Variants in RAB7B observed in about 807,000 individuals in gnomAD.
RAB7B encodes ras-related protein Rab-7b.
intron 4 of RAB7B, among the ~76,000 whole-genome samples, 170 bp downstream of exon 4, chr1:205,992,310 T>C (rs1031817763): frequency 2.9e-4 from 44 of 152,366 alleles, no homozygotes; most frequent in African/African-American, 1.0e-3. Flanking sequence ...AATTACCATT[T>C]TATTTTATAA....
chr1:205,999,677 G>A (rs938147314), intron 1 of RAB7B, among the ~76,000 whole-genome samples: 9 of 152,194 alleles, frequency 5.9e-5, no homozygotes, highest in Non-Finnish European at 5.9e-5. Context: ...CTAAAGCATT[G>A]GGGTAATCTA....
chr1:205,982,194 T>G (rs1312619508), intron 5 of RAB7B, among the ~76,000 whole-genome samples: 2 of 152,242 alleles, frequency 1.3e-5, no homozygotes, highest in Non-Finnish European at 2.9e-5. Flanking sequence ...CTCATGAAGC[T>G]CCTGCTTTCT....
Position 205,994,070 on chromosome 1 carries a change from G to A in RAB7B, c.53+13C>T, listed in dbSNP as rs1660769702. ...GGGCTGCTTCCCAACTCCCAGAGCTGAGCTTGGCTTACCCAATGGCTCCGA... is the reference window on the plus strand; with the variant it reads ...GGGCTGCTTCCCAACTCCCAGAGCTAAGCTTGGCTTACCCAATGGCTCCGA... On this transcript the variant is annotated intron_variant, in intron 2 of 5. Coordinates refer to ENST00000617070, the MANE Select transcript of RAB7B (RefSeq NM_001164522.3). The A allele has an allele frequency of 2.5e-6, 1 of 398,654 alleles. No individual in the cohort carries two copies. The highest frequency in any genetic ancestry group is 4.4e-6 in the Non-Finnish European group (1 of 226,088). 24.7% of individuals were successfully genotyped at this position (398,654 alleles called of 1,614,324 possible).
chr1:205,998,993 CGCACGTGTTAGA>C (rs1384635771), intron 1 of RAB7B, among the ~76,000 whole-genome samples: 2 of 152,114 alleles, frequency 1.3e-5, no homozygotes, highest in Non-Finnish European at 2.9e-5. Flanking sequence ...ACAGAAAGCC[CGCACGTGTTAGA>C]GCAGGGTTTG....
chr1:205,983,556 G>T (rs1660532370), intron 5 of RAB7B, among the ~76,000 whole-genome samples: 1 of 152,152 alleles, frequency 6.6e-6, no homozygotes, highest in Admixed American at 6.5e-5. Flanking sequence ...GATATTTATG[G>T]ACTCAAATTA....
chr1:205,984,562 C>T (rs1055968075), intron 5 of RAB7B, among the ~76,000 whole-genome samples: 1 of 152,072 alleles, frequency 6.6e-6, no homozygotes, highest in Non-Finnish European at 1.5e-5. Context: ...GAGCCCCTCC[C>T]CATGCCAATC....
At chr1:205,989,317 C>A (rs1264156758) in intron 4 of RAB7B, among the ~76,000 whole-genome samples, 1 of 152,090 alleles carries the variant, frequency 6.6e-6, no homozygotes, top group Non-Finnish European at 1.5e-5. Flanking sequence ...TGCCTCATTG[C>A]CTCTTTCAAA....
chr1:205,978,798 A>G lies in RAB7B; in HGVS notation c.*53T>C, dbSNP rs1660433167. On this transcript the variant is annotated 3_prime_UTR_variant, in exon 6 of 6. Transcript: ENST00000617070. Reference sequence around the variant, plus strand: ...GTCACCTGTTCTCAAGCCTGGGGTGACCAGGCTCGGGGCAGGCTCTGTTTC... The same window carrying G: ...GTCACCTGTTCTCAAGCCTGGGGTGGCCAGGCTCGGGGCAGGCTCTGTTTC... 5.0e-6 allele frequency: 2 copies of G among 398,456 alleles called. No homozygotes were observed. The highest frequency in any genetic ancestry group is 8.8e-6 in the Non-Finnish European group (2 of 226,032). 24.7% of individuals were successfully genotyped at this position (398,456 alleles called of 1,614,324 possible).
chr1:205,993,694 C>T lies in RAB7B; in HGVS notation c.54-148G>A, dbSNP rs957445113. The T allele has an allele frequency of 3.5e-3, 1,406 of 396,300 alleles. 24 individuals are homozygous for T. The highest frequency in any genetic ancestry group is 0.026 in the African/African-American group (1,280 of 48,698). The allele number at this position is 396,300 out of a possible 1,614,324, so 24.5% of individuals were successfully genotyped here. On this transcript the variant is annotated intron_variant, in intron 2 of 5. Transcript: ENST00000617070. Reference sequence around the variant, plus strand: ...TCAAATTTCTGTGGTCCATGGACCACACTTTGAATAGCAAGGGAGTAGGAA... The same window carrying T: ...TCAAATTTCTGTGGTCCATGGACCATACTTTGAATAGCAAGGGAGTAGGAA...
At chr1:205,985,270 T>C (rs2102633458) in intron 5 of RAB7B, among the ~76,000 whole-genome samples, 1 of 151,524 alleles carries the variant, frequency 6.6e-6, no homozygotes, top group African/African-American at 2.4e-5. Flanking sequence ...AGGACTGGAG[T>C]TTTTAGATAC....
At chr1:205,981,925 C>T (rs1174010505) in intron 5 of RAB7B, among the ~76,000 whole-genome samples, 1 of 149,178 alleles carries the variant, frequency 6.7e-6, no homozygotes, top group African/African-American at 2.5e-5. Context: ...CTGTGATTTC[C>T]TTCACAATGT....
intron 1 of RAB7B, among the ~76,000 whole-genome samples, chr1:206,000,458 G>A (rs892983313): frequency 1.3e-5 from 2 of 152,222 alleles, no homozygotes; most frequent in African/African-American, 2.4e-5. Context: ...GTGATCATGA[G>A]TTTGGGACTC....
intron 1 of RAB7B, among the ~76,000 whole-genome samples, chr1:205,998,975 C>G (rs911777789): frequency 6.6e-6 from 1 of 152,184 alleles, no homozygotes; most frequent in Non-Finnish European, 1.5e-5. Flanking sequence ...AGCAGTTCAG[C>G]CTTAAAGACA....
intron 1 of RAB7B, among the ~76,000 whole-genome samples, chr1:205,999,416 A>G (rs1660856625): frequency 1.3e-5 from 2 of 152,242 alleles, no homozygotes; most frequent in African/African-American, 4.8e-5. Flanking sequence ...AACATTTCAA[A>G]ATACCATTTA....
At position 205,992,542 on chromosome 1, in the gene RAB7B, G is replaced by C; in HGVS notation, c.334C>G (p.Pro112Ala). 1 of 398,640 alleles carries C rather than the reference G, an allele frequency of 2.5e-6. No homozygotes were observed. Among genetic ancestry groups the C allele is most frequent in the East Asian group, 3.6e-5 (1 of 28,086 alleles). The allele number at this position is 398,640 out of a possible 1,614,324, so 24.7% of individuals were successfully genotyped here. Residue 112 changes from proline (P) to alanine (A), a missense_variant, in exon 4 of 6, where the codon CCC becomes GCC. Coordinates refer to ENST00000617070, the MANE Select transcript of RAB7B (RefSeq NM_001164522.3). ...ACCATGGGGTAGGACTGCTCCATGG[G>C]GACAATCTTGGCCAGGACATCACCC... Reference protein sequence around the residue: ...WRGDVLAKIVPMEQSYPMVLL... With the variant: ...WRGDVLAKIVAMEQSYPMVLL...
chr1:205,993,337 A>C (rs1400602476), intron 3 of RAB7B, 83 bp downstream of exon 3: 7 of 396,564 alleles, frequency 1.8e-5, no homozygotes, highest in South Asian at 1.3e-4. Context: ...GCTCTGGTTC[A>C]CATTGCTACA....
At chr1:205,981,508 CACA>C (rs1660490020) in intron 5 of RAB7B, among the ~76,000 whole-genome samples, 1 of 152,224 alleles carries the variant, frequency 6.6e-6, no homozygotes. Flanking sequence ...TGATTTCTTT[CACA>C]ATGTTAACTG....
intron 1 of RAB7B, among the ~76,000 whole-genome samples, chr1:205,994,959 A>G (rs1472517501): frequency 6.6e-6 from 1 of 152,162 alleles, no homozygotes; most frequent in Non-Finnish European, 1.5e-5. Flanking sequence ...ATCCCTTAAG[A>G]TCTAAATAGA....
chr1:205,985,726 C>T (rs1286724782), intron 4 of RAB7B, 61 bp from the exon 5 acceptor site: 19 of 41,988 alleles, frequency 4.5e-4, no homozygotes, highest in African/African-American at 1.5e-3. Flanking sequence ...CCACCATTGC[C>T]ACCATCACAT....
Sources: allele counts gnomAD v4.1 joint callset (sites outside exome capture counted in the v4.1 genomes callset), GRCh38; gene constraint gnomAD v4.1.1; transcripts MANE v1.5; gene names NCBI Gene and HGNC (gene_info 2026-07-23, HGNC 2026-07-21).